NELL1: variants seen among roughly 807,000 people sequenced by gnomAD.
NELL1 encodes neural EGFL like 1.
A neutral mutation model predicts 107.4 loss-of-function variants in NELL1; 76 were observed. That is an observed-to-expected ratio of 0.71 (90% CI 0.59 to 0.86). The LOEUF (loss-of-function observed/expected upper bound fraction) is 0.86, where lower values mean the gene tolerates loss of function less well. NELL1 is among the 40% of genes least tolerant of loss of function. The probability of loss-of-function intolerance (pLI) is 0.00; values close to 1 mark genes in which losing one functional copy is unlikely to be tolerated. For missense variants in NELL1, 1,024 were observed against 1,005.5 expected, an observed-to-expected ratio of 1.02 and a Z score of -0.25; for synonymous variants, 353 against 341.2, an observed-to-expected ratio of 1.03 and a Z score of -0.38.
At chr11:21,411,434 T>A (rs1852374160) in intron 15 of NELL1, among the ~76,000 whole-genome samples, 1 of 152,056 alleles carries the variant, frequency 6.6e-6, no homozygotes, top group South Asian at 2.1e-4. Context: ...TATTAATGTG[T>A]GTCTATCAAT....
At chr11:21,287,634 T>C (rs545716501) in intron 14 of NELL1, among the ~76,000 whole-genome samples, 2 of 152,282 alleles carry the variant, frequency 1.3e-5, no homozygotes, top group South Asian at 2.1e-4. Context: ...GATCAGGCCT[T>C]TGTATACAGT....
chr11:21,187,713 C>T (rs1856964653), intron 13 of NELL1, among the ~76,000 whole-genome samples: 1 of 151,768 alleles, frequency 6.6e-6, no homozygotes. Context: ...CTTACAGGGT[C>T]ACTTTATTCA....
chr11:21,314,014 C>G (rs1849814558), intron 14 of NELL1, among the ~76,000 whole-genome samples: 1 of 138,204 alleles, frequency 7.2e-6, no homozygotes, highest in Non-Finnish European at 1.6e-5. Context: ...CCCCCCGCGA[C>G]CCCCACTTGC....
intron 16 of NELL1, among the ~76,000 whole-genome samples, chr11:21,539,207 A>G (rs1856225914): frequency 6.6e-6 from 1 of 152,066 alleles, no homozygotes; most frequent in African/African-American, 2.4e-5. Context: ...GAGGGAGAGT[A>G]TACAGATGTG....
chr11:21,382,287 T>C (rs531823960), intron 15 of NELL1, among the ~76,000 whole-genome samples: 32 of 152,050 alleles, frequency 2.1e-4, no homozygotes, highest in Admixed American at 1.3e-3. Context: ...GCACAACTGA[T>C]TTTTACAAGT....
intron 12 of NELL1, among the ~76,000 whole-genome samples, chr11:21,091,693 C>T (rs1854525215): frequency 6.6e-6 from 1 of 151,958 alleles, no homozygotes. Context: ...GTTATTCAGC[C>T]CACATTCGAT....
intron 12 of NELL1, among the ~76,000 whole-genome samples, chr11:21,072,517 C>T (rs756165893): frequency 2.6e-5 from 4 of 152,158 alleles, no homozygotes; most frequent in Non-Finnish European, 5.9e-5. Context: ...ATTCTTCATG[C>T]TGCAAGTTCT....
At chr11:21,325,541 T>C (rs1850111883) in intron 14 of NELL1, among the ~76,000 whole-genome samples, 1 of 149,954 alleles carries the variant, frequency 6.7e-6, no homozygotes, top group African/African-American at 2.4e-5. Flanking sequence ...GGTGAACCTT[T>C]TCATTGCTAA....
At chr11:21,155,200 C>A (rs1189483859) in intron 13 of NELL1, among the ~76,000 whole-genome samples, 1 of 152,106 alleles carries the variant, frequency 6.6e-6, no homozygotes, top group East Asian at 1.9e-4. Flanking sequence ...GTATTACTAA[C>A]CAAGAGGTTT....
chr11:21,402,247 C>G (rs189157580), intron 15 of NELL1, among the ~76,000 whole-genome samples: 14 of 151,780 alleles, frequency 9.2e-5, no homozygotes, highest in Non-Finnish European at 1.6e-4. Context: ...AATGATTCTA[C>G]TTTGATCTCT....
intron 14 of NELL1, among the ~76,000 whole-genome samples, chr11:21,316,964 G>T (rs761294412): frequency 7.2e-5 from 11 of 152,090 alleles, no homozygotes; most frequent in Admixed American, 3.3e-4. Context: ...TATTATGTAG[G>T]TATGATTATG....
intron 12 of NELL1, among the ~76,000 whole-genome samples, chr11:21,008,908 G>T (rs942723049): frequency 6.6e-6 from 1 of 152,132 alleles, no homozygotes; most frequent in Non-Finnish European, 1.5e-5. Context: ...CTAAAATACT[G>T]TTGGTTTCGA....
intron 2 of NELL1, among the ~76,000 whole-genome samples, chr11:20,683,289 T>C: frequency 6.6e-6 from 1 of 152,282 alleles, no homozygotes; most frequent in African/African-American, 2.4e-5. Context: ...AATTATACGT[T>C]TAACTCATGT....
At chr11:20,952,654 G>A (rs910304358) in intron 11 of NELL1, among the ~76,000 whole-genome samples, 8 of 152,282 alleles carry the variant, frequency 5.3e-5, no homozygotes, top group Admixed American at 3.3e-4. Flanking sequence ...GGGCTAAAGT[G>A]GACTGGAAAG....
At chr11:21,552,307 ATGTT>A (rs999193429) in intron 16 of NELL1, among the ~76,000 whole-genome samples, 4 of 151,700 alleles carry the variant, frequency 2.6e-5, no homozygotes, top group Admixed American at 6.6e-5. Flanking sequence ...AAAAAAGTTA[ATGTT>A]TGTTTGAGTC....
intron 14 of NELL1, among the ~76,000 whole-genome samples, chr11:21,346,486 T>C (rs1850684715): frequency 6.7e-6 from 1 of 148,934 alleles, no homozygotes; most frequent in South Asian, 2.1e-4. Flanking sequence ...TCAATATAAT[T>C]CAATTATTAA....
intron 2 of NELL1, among the ~76,000 whole-genome samples, chr11:20,680,300 T>C (rs1223224832): frequency 6.6e-6 from 1 of 152,132 alleles, no homozygotes; most frequent in African/African-American, 2.4e-5. Context: ...AGGATTCATG[T>C]CTGTCCCACA....
rs1275774131 is a variant in NELL1, at chr11:21,466,588, A to T, written c.1646-67786A>T. Among the ~76,000 whole-genome samples the T allele has an allele frequency of 3.3e-5, 5 of 152,170 alleles. 1 individual carries two copies. Among genetic ancestry groups the T allele is most frequent in the Non-Finnish European group, 1.5e-5 (1 of 68,010 alleles). On this transcript the variant is annotated intron_variant, in intron 15 of 19. Coordinates refer to ENST00000357134, the MANE Select transcript of NELL1 (RefSeq NM_006157.5). ...AGTTTTAAAACTTTTTTTAAAAAAT[A>T]GCAAAAGCTTTTATTTTTCCAGACA...
chr11:21,424,163 T>C (rs1480388844), intron 15 of NELL1, among the ~76,000 whole-genome samples: 1 of 151,730 alleles, frequency 6.6e-6, no homozygotes, highest in Admixed American at 6.6e-5. Context: ...ATAGAAAAAA[T>C]CAATGAAATC....
Sources: allele counts gnomAD v4.1 joint callset (sites outside exome capture counted in the v4.1 genomes callset), GRCh38; gene constraint gnomAD v4.1.1; transcripts MANE v1.5; gene names NCBI Gene and HGNC (gene_info 2026-07-23, HGNC 2026-07-21).